HIPK2: variants seen among roughly 807,000 people sequenced by gnomAD.
The protein encoded by HIPK2 is homeodomain interacting protein kinase 2, also known as homeodomain-interacting protein kinase 2.
A neutral mutation model predicts 113.7 loss-of-function variants in HIPK2; 27 were observed. The ratio of observed to expected loss-of-function variants is 0.24; its 90% confidence interval spans 0.17 to 0.33. The LOEUF is 0.33. Ranked by LOEUF, HIPK2 falls within the 10% of genes least tolerant of loss-of-function variation. HIPK2 has a pLI of 1.00. For synonymous variants in HIPK2, 631 were observed against 642.2 expected, an observed-to-expected ratio of 0.98 and a Z score of 0.26; for missense variants, 1,257 against 1,588.0, an observed-to-expected ratio of 0.79 and a Z score of 3.54.
chr7:139,594,547 T>C (rs1799131808), intron 12 of HIPK2, among the ~76,000 whole-genome samples: 1 of 152,250 alleles, frequency 6.6e-6, no homozygotes, highest in Non-Finnish European at 1.5e-5. Context: ...TACTGGTTTC[T>C]GTTTTATCCT....
intron 1 of HIPK2, among the ~76,000 whole-genome samples, chr7:139,757,803 T>C (rs1480685013): frequency 1.3e-5 from 2 of 152,168 alleles, no homozygotes; most frequent in Non-Finnish European, 2.9e-5. Context: ...GTGAATATCC[T>C]AAAAACCACT....
rs1796805165 is a variant in HIPK2 at position 139,777,644 on chromosome 7, T to G, written c.-21A>C. 3 of 1,090,200 alleles carry G rather than the reference T, an allele frequency of 2.8e-6. No homozygotes were observed. Among genetic ancestry groups the G allele is most frequent in the Non-Finnish European group, 3.3e-6 (3 of 896,740 alleles). The allele number at this position is 1,090,200 out of a possible 1,614,324, so 67.5% of individuals were successfully genotyped here. ...GCCATCGGGGCCGGGGTGTCCGCGGTTCATGGCAACGGGGACGGGAAAGCG... is the reference window on the plus strand; with the variant it reads ...GCCATCGGGGCCGGGGTGTCCGCGGGTCATGGCAACGGGGACGGGAAAGCG... On this transcript the variant is annotated 5_prime_UTR_variant, in exon 1 of 15. Transcript: ENST00000406875.
intron 2 of HIPK2, among the ~76,000 whole-genome samples, chr7:139,701,076 A>G (rs946464159): frequency 6.6e-6 from 1 of 152,212 alleles, no homozygotes; most frequent in African/African-American, 2.4e-5. Context: ...TGGGACCTGC[A>G]TGGCGTCCTG....
intron 2 of HIPK2, among the ~76,000 whole-genome samples, chr7:139,665,787 T>A (rs768777486): frequency 2.0e-5 from 3 of 152,216 alleles, no homozygotes; most frequent in Non-Finnish European, 2.9e-5. Flanking sequence ...CTAGCTAATC[T>A]GACCCAGATG....
In HIPK2 at chr7:139,630,373, T is replaced by C. The variant is rs537286847; in HGVS notation, c.1347+792A>G. Among the ~76,000 whole-genome samples, 6 of 152,136 alleles carry C rather than the reference T, an allele frequency of 3.9e-5. No individual in the cohort carries two copies. In the East Asian group the frequency reaches 1.2e-3, roughly 30 times the overall value. ...ATCACCCCAGCCGCCACCCCACACT[T>C]CTATACTGGGCAAACCCGCTTCATT... On this transcript the variant is annotated intron_variant, in intron 4 of 14. Transcript: ENST00000406875. This position sits in a 1 kb window ranked among gnomAD's most constrained non-coding sequence, Gnocchi z 4.0.
chr7:139,771,767 C>A (rs890116480), intron 1 of HIPK2, among the ~76,000 whole-genome samples: 1 of 151,942 alleles, frequency 6.6e-6, no homozygotes, highest in Non-Finnish European at 1.5e-5. Flanking sequence ...AGAGAGAGTT[C>A]AGAAGAGAGA....
chr7:139,628,962 A>G lies in HIPK2; in HGVS notation c.1425T>C (p.Asp475=), dbSNP rs1800520100. 6.3e-7 allele frequency: 1 copy of G among 1,593,664 alleles called. No individual in the cohort carries two copies. Among genetic ancestry groups the G allele is most frequent in the East Asian group, 2.2e-5 (1 of 44,514 alleles). The part of the protein sequence containing the change: ...ARKYIFNCLD[D]MAQVNMTTDL... Reference sequence around the variant, plus strand: ...CACCCATGAAGCTTACCTGGGCCATATCATCTAAACAGTTGAAAATGTACT... The same window carrying G: ...CACCCATGAAGCTTACCTGGGCCATGTCATCTAAACAGTTGAAAATGTACT... Residue 475 remains aspartate (D), a synonymous_variant, in exon 5 of 15, where the codon GAT becomes GAC. Coordinates refer to ENST00000406875, the MANE Select transcript of HIPK2 (RefSeq NM_022740.5).
intron 2 of HIPK2, among the ~76,000 whole-genome samples, chr7:139,641,321 C>A (rs1007551096): frequency 6.7e-6 from 1 of 150,034 alleles, no homozygotes; most frequent in Non-Finnish European, 1.5e-5. Flanking sequence ...GCTGAGATTG[C>A]GCCACTACAC....
At chr7:139,692,712 T>A (rs1200190316) in intron 2 of HIPK2, among the ~76,000 whole-genome samples, 3 of 152,070 alleles carry the variant, frequency 2.0e-5, no homozygotes, top group African/African-American at 7.2e-5. Flanking sequence ...TCTATATGCA[T>A]CAGAAAAAAA....
At chr7:139,575,423 C>T (rs1473611244) in intron 13 of HIPK2, 135 bp from the exon 14 acceptor site, 1 of 1,007,600 alleles carries the variant, frequency 9.9e-7, no homozygotes, top group Non-Finnish European at 1.4e-6. Flanking sequence ...TCAGCCTCAT[C>T]TCCCCCGGAC....
intron 1 of HIPK2, among the ~76,000 whole-genome samples, chr7:139,757,810 C>T (rs1375706779): frequency 6.6e-6 from 1 of 152,082 alleles, no homozygotes; most frequent in Non-Finnish European, 1.5e-5. Context: ...TCCTAAAAAC[C>T]ACTGAACTAT....
chr7:139,588,242 C>T (rs144943687), intron 12 of HIPK2, among the ~76,000 whole-genome samples: 2,522 of 151,858 alleles, frequency 0.017, 25 homozygotes, highest in Middle Eastern at 0.034. Context: ...CACTTGAACC[C>T]GGGAGGTGGA....
Position 139,573,238 on chromosome 7 carries a change from G to A in HIPK2, c.3286C>T (p.Leu1096Phe), listed in dbSNP as rs761575499. 3 of 1,604,928 alleles carry A rather than the reference G, an allele frequency of 1.9e-6. No homozygotes were observed. The highest frequency in any genetic ancestry group is 2.5e-6 in the Non-Finnish European group (3 of 1,179,622). ...GTGTAGAGGTGGGGCTGGGTGGGGA[G>A]GTGGGCAGCGGCAGCGGCTGCAGCC... ...HLAAAAAAAH[L>F]PTQPHLYTYT... The change falls in exon 15 of 15, where the codon CTC becomes TTC. Residue 1096 changes from leucine (L) to phenylalanine (F), a missense_variant. By Grantham distance (22) the Leu-to-Phe change is conservative. Around this residue, in one of 5 missense-constraint regions of HIPK2, gnomAD observed 862 missense variants for 1,004.3 expected, o/e 0.86. Coordinates refer to ENST00000406875, the MANE Select transcript of HIPK2 (RefSeq NM_022740.5).
intron 2 of HIPK2, among the ~76,000 whole-genome samples, chr7:139,658,602 T>C (rs1801755803): frequency 6.6e-6 from 1 of 152,200 alleles, no homozygotes; most frequent in Non-Finnish European, 1.5e-5. Context: ...ACCAGAAATT[T>C]GGACAGAGAA....
chr7:139,747,403 C>T (rs1159669534), intron 1 of HIPK2, among the ~76,000 whole-genome samples: 1 of 152,210 alleles, frequency 6.6e-6, no homozygotes, highest in Admixed American at 6.5e-5. Context: ...CCTCTGGGTA[C>T]ATCAAGGGCC....
intron 10 of HIPK2, 103 bp from the exon 11 acceptor site, chr7:139,600,699 G>A (rs1383591871): frequency 1.5e-6 from 2 of 1,315,150 alleles, no homozygotes; most frequent in Non-Finnish European, 2.1e-6. Flanking sequence ...ACTGCAGTTG[G>A]TTATCTCACT....
intron 2 of HIPK2, among the ~76,000 whole-genome samples, chr7:139,676,769 T>C (rs541268453): frequency 5.9e-4 from 90 of 152,266 alleles, no homozygotes; most frequent in African/African-American, 1.9e-3. Flanking sequence ...TCGAAAAACA[T>C]GTACTAAACT....
At chr7:139,618,530 G>A (rs947627279) in intron 7 of HIPK2, among the ~76,000 whole-genome samples, 5 of 152,204 alleles carry the variant, frequency 3.3e-5, no homozygotes, top group South Asian at 2.1e-4. Context: ...TCTCAGTGCC[G>A]TGGAGAAGAC....
At chr7:139,603,703 C>T (rs1036306063) in intron 10 of HIPK2, among the ~76,000 whole-genome samples, 2 of 152,092 alleles carry the variant, frequency 1.3e-5, no homozygotes, top group Non-Finnish European at 2.9e-5. Context: ...GCTTTGGGGA[C>T]CCTCTTCTGC....
Sources: allele counts gnomAD v4.1 joint callset (sites outside exome capture counted in the v4.1 genomes callset), GRCh38; gene constraint gnomAD v4.1.1; regional missense constraint gnomAD v4.1.1; non-coding constraint Gnocchi (gnomAD v3.1); transcripts MANE v1.5; gene names NCBI Gene and HGNC (gene_info 2026-07-23, HGNC 2026-07-21).